NOX4: variants seen among roughly 807,000 people sequenced by gnomAD.
NOX4 encodes kidney oxidase-1.
In NOX4, 69 loss-of-function variants were observed where a neutral mutation model predicts 87.6. That is an observed-to-expected ratio of 0.79 (90% CI 0.65 to 0.96). NOX4 has a LOEUF of 0.96. NOX4 is among the 40% of genes least tolerant of loss of function. The pLI is 0.00. For synonymous variants in NOX4, 275 were observed against 238.2 expected, an observed-to-expected ratio of 1.15 and a Z score of -1.42; for missense variants, 680 against 681.5, an observed-to-expected ratio of 1.00 and a Z score of 0.02.
intron 12 of NOX4, among the ~76,000 whole-genome samples, chr11:89,367,327 T>C (rs1271585014): frequency 6.6e-6 from 1 of 152,134 alleles, no homozygotes; most frequent in Non-Finnish European, 1.5e-5. Flanking sequence ...ATCATTCTCA[T>C]AGTTCTGGGG....
chr11:89,486,686 GTGTATATATACATATATGTGTGTATATA>G (rs1946638096), intron 2 of NOX4, among the ~76,000 whole-genome samples: 1 of 55,284 alleles, frequency 1.8e-5, no homozygotes, highest in African/African-American at 1.3e-4. Context: ...GTGTATATAT[GTGTATATATACATATATGTGTGTATATA>G]TGTGTATATA....
chr11:89,331,615 T>C (rs1203534577), intron 17 of NOX4, among the ~76,000 whole-genome samples: 3 of 151,868 alleles, frequency 2.0e-5, no homozygotes, highest in Non-Finnish European at 2.9e-5. Context: ...GGCAATAAGA[T>C]ACCATTATTT....
chr11:89,576,756 T>C, the NOX4 span, among the ~76,000 whole-genome samples: 1 of 152,212 alleles, frequency 6.6e-6, no homozygotes, highest in Non-Finnish European at 1.5e-5. Context: ...TATTCATTTC[T>C]ATTAATATAC....
upstream of NOX4, among the ~76,000 whole-genome samples, chr11:89,502,901 A>G (rs1947036884): frequency 6.6e-6 from 1 of 152,072 alleles, no homozygotes; most frequent in Admixed American, 6.6e-5. Flanking sequence ...TGTATGATTC[A>G]AACACTTCAA....
At chr11:89,343,885 A>G (rs766526233) in intron 13 of NOX4, among the ~76,000 whole-genome samples, 21 of 152,082 alleles carry the variant, frequency 1.4e-4, no homozygotes, top group South Asian at 4.1e-4. Flanking sequence ...AATAAGAGAT[A>G]TCTTCCTCCC....
At chr11:89,442,552 T>C (rs895837918) in intron 5 of NOX4, among the ~76,000 whole-genome samples, 3 of 152,108 alleles carry the variant, frequency 2.0e-5, no homozygotes, top group African/African-American at 7.2e-5. Context: ...GATATGTTGA[T>C]ACAATAAGCT....
chr11:89,432,797 T>G lies in NOX4; in HGVS notation c.535A>C (p.Thr179Pro). 6.2e-7 allele frequency: 1 copy of G among 1,609,376 alleles called. No homozygotes were observed. Among genetic ancestry groups the G allele is most frequent in the Non-Finnish European group, 8.5e-7 (1 of 1,176,400 alleles). Residue 179 changes from threonine to proline, a missense_variant, in exon 7 of 18, where the codon ACA (threonine) becomes CCA (proline). Coordinates refer to ENST00000263317, the MANE Select transcript of NOX4 (RefSeq NM_016931.5). ...VVLFLMITAS[T>P]YAIRVSNYDI... ...TCTGACACTTACCTTATTGCATATG[T>G]AGAGGCTGTGATCATGAGGAATAGC...
At chr11:89,386,788 C>A (rs533351043) in intron 11 of NOX4, among the ~76,000 whole-genome samples, 1 of 152,238 alleles carries the variant, frequency 6.6e-6, no homozygotes, top group East Asian at 1.9e-4. Flanking sequence ...AACTCTCCAA[C>A]CAAGCAAGTA....
the NOX4 span, among the ~76,000 whole-genome samples, chr11:89,577,856 C>T: frequency 2.2e-4 from 34 of 152,118 alleles, no homozygotes; most frequent in African/African-American, 8.2e-4. Flanking sequence ...GTAAATTTTA[C>T]TTTTCCAAAG....
intron 2 of NOX4, among the ~76,000 whole-genome samples, chr11:89,456,384 G>A (rs1365163057): frequency 6.6e-6 from 1 of 152,122 alleles, no homozygotes; most frequent in Non-Finnish European, 1.5e-5. Context: ...TAAAGATTTA[G>A]TCTGAAAAGA....
upstream of NOX4, among the ~76,000 whole-genome samples, chr11:89,502,611 C>T (rs1258096269): frequency 1.3e-5 from 2 of 151,972 alleles, no homozygotes; most frequent in Non-Finnish European, 2.9e-5. Flanking sequence ...GATGAATCCA[C>T]CATCATTTTT....
chr11:89,432,715 T>C, intron 7 of NOX4, 69 bp downstream of exon 7: 1 of 1,129,100 alleles, frequency 8.9e-7, no homozygotes, highest in Non-Finnish European at 1.3e-6. Flanking sequence ...GTTAAACATT[T>C]TGATTACTCA....
intron 12 of NOX4, among the ~76,000 whole-genome samples, chr11:89,365,297 T>A (rs550512667): frequency 1.3e-5 from 2 of 152,232 alleles, no homozygotes; most frequent in African/African-American, 4.8e-5. Flanking sequence ...CACTTTATTT[T>A]AAAAAAATCA....
At chr11:89,359,281 T>A (rs1362610746) in intron 12 of NOX4, among the ~76,000 whole-genome samples, 1 of 152,088 alleles carries the variant, frequency 6.6e-6, no homozygotes, top group African/African-American at 2.4e-5. Flanking sequence ...GATGTTTCAT[T>A]TTCTCCTTTG....
chr11:89,572,816 A>G, the NOX4 span, among the ~76,000 whole-genome samples: 2 of 152,144 alleles, frequency 1.3e-5, no homozygotes, highest in South Asian at 2.1e-4. Context: ...TTTTTTGTCT[A>G]GGCAGATAAC....
chr11:89,381,288 C>T (rs1397863142), intron 11 of NOX4, among the ~76,000 whole-genome samples: 2 of 152,092 alleles, frequency 1.3e-5, no homozygotes, highest in Non-Finnish European at 2.9e-5. Flanking sequence ...ATACAGATGT[C>T]AGGAAAGCAT....
chr11:89,585,692 C>T, the NOX4 span, among the ~76,000 whole-genome samples: 2 of 152,154 alleles, frequency 1.3e-5, no homozygotes, highest in African/African-American at 2.4e-5. Context: ...GAGTGTCCAT[C>T]CTCCCGTATG....
chr11:89,543,380 T>G, the NOX4 span, among the ~76,000 whole-genome samples: 1 of 152,180 alleles, frequency 6.6e-6, no homozygotes, highest in African/African-American at 2.4e-5. Flanking sequence ...CCTATTGTTC[T>G]ACATATTAAT....
At chr11:89,366,989 A>T (rs956933578) in intron 12 of NOX4, among the ~76,000 whole-genome samples, 9 of 152,100 alleles carry the variant, frequency 5.9e-5, no homozygotes, top group African/African-American at 1.9e-4. Context: ...TACACATATA[A>T]TGTGCCTCTC....
Sources: allele counts gnomAD v4.1 joint callset (sites outside exome capture counted in the v4.1 genomes callset), GRCh38; gene constraint gnomAD v4.1.1; transcripts MANE v1.5; gene names NCBI Gene and HGNC (gene_info 2026-07-23, HGNC 2026-07-21).